FBRSL1: variants seen among roughly 807,000 people sequenced by gnomAD.
FBRSL1 encodes fibrosin-1-like protein.
Under a neutral mutation model 89.6 loss-of-function variants are expected in FBRSL1, and 51 were observed. The observed-to-expected ratio is 0.57, with a 90% CI of 0.45 to 0.72. The LOEUF (loss-of-function observed/expected upper bound fraction) is 0.72. Ranked by LOEUF, FBRSL1 falls within the 30% of genes least tolerant of loss-of-function variation. The pLI is 0.00. For missense variants in FBRSL1, 1,618 were observed against 1,451.8 expected (o/e 1.11, Z -1.86); for synonymous variants, 779 against 681.1 (o/e 1.14, Z -2.24).
chr12:132,562,674 C>T (rs1008920601), intron 5 of FBRSL1, among the ~76,000 whole-genome samples: 1 of 137,624 alleles, frequency 7.3e-6, no homozygotes, highest in African/African-American at 2.6e-5. Flanking sequence ...CACGAACGTG[C>T]GGGGCCCAAC....
At chr12:132,575,233 TTTC>T (rs1305927132) in intron 14 of FBRSL1, among the ~76,000 whole-genome samples, 2 of 142,510 alleles carry the variant, frequency 1.4e-5, no homozygotes, top group African/African-American at 5.6e-5. Flanking sequence ...GCTGTATGTC[TTTC>T]TTTTTTTTTG....
intron 8 of FBRSL1, among the ~76,000 whole-genome samples, 160 bp from the exon 9 acceptor site, chr12:132,570,908 G>T (rs868713696): frequency 3.9e-5 from 6 of 152,186 alleles, no homozygotes; most frequent in East Asian, 1.9e-4. Context: ...GACCGCGAAG[G>T]CTTCCTCCCT....
At position 132,499,609 on chromosome 12, in the gene FBRSL1, G is replaced by A. The variant is rs567766350; in HGVS notation, c.292-8544G>A. Among the ~76,000 whole-genome samples the A allele has an allele frequency of 1.3e-5, 2 of 152,156 alleles. No individual in the cohort carries two copies. Among genetic ancestry groups the A allele is most frequent in the South Asian group, 2.1e-4 (1 of 4,800 alleles). On this transcript the variant is annotated intron_variant, in intron 1 of 18. Coordinates refer to ENST00000680143, the MANE Select transcript of FBRSL1 (RefSeq NM_001367871.1). The surrounding 1 kb of genome is among the most constrained non-coding windows in gnomAD (Gnocchi z 4.3). ...GTGAGGGGCAGCACCGTGGCGTGGC[G>A]GTTCCCGAGAGCCCGTCAGGAAGGG...
chr12:132,547,316 G>A (rs2037775477), intron 4 of FBRSL1, among the ~76,000 whole-genome samples: 1 of 151,568 alleles, frequency 6.6e-6, no homozygotes. Context: ...CGGACAGTCA[G>A]TGTGTTCTTT....
chr12:132,534,114 G>A (rs1337979276), intron 4 of FBRSL1, among the ~76,000 whole-genome samples: 1 of 152,204 alleles, frequency 6.6e-6, no homozygotes, highest in Non-Finnish European at 1.5e-5. Context: ...GCAGGGTCCA[G>A]GCCAGGTTTG....
At chr12:132,511,613 C>T (rs1389792287) in intron 2 of FBRSL1, 2 of 985,512 alleles carry the variant, frequency 2.0e-6, no homozygotes, top group East Asian at 1.1e-4. Context: ...ACCTGGACCC[C>T]TGCGCCACGT....
At chr12:132,525,926 T>C in intron 3 of FBRSL1, 103 bp downstream of exon 3, 1 of 951,384 alleles carries the variant, frequency 1.1e-6, no homozygotes, top group Non-Finnish European at 1.6e-6. Context: ...GCCTGCCCAC[T>C]GTGCCCTGCA....
chr12:132,580,781 G>T (rs2040691717), intron 15 of FBRSL1: 1 of 985,450 alleles, frequency 1.0e-6, no homozygotes, highest in Non-Finnish European at 1.2e-6. Flanking sequence ...ATGACGCCCT[G>T]CTGGTCTTTA....
At chr12:132,523,405 C>T (rs754963849) in intron 2 of FBRSL1, among the ~76,000 whole-genome samples, 9 of 152,146 alleles carry the variant, frequency 5.9e-5, no homozygotes, top group Non-Finnish European at 1.2e-4. Flanking sequence ...TCAGGGCCTC[C>T]GGGTTTGGGA....
chr12:132,516,696 T>C (rs2034876061), intron 2 of FBRSL1, among the ~76,000 whole-genome samples: 1 of 152,144 alleles, frequency 6.6e-6, no homozygotes, highest in Admixed American at 6.5e-5. Flanking sequence ...ATTTGCCGGA[T>C]GAGGATGCTG....
intron 15 of FBRSL1, among the ~76,000 whole-genome samples, chr12:132,577,650 C>T (rs2040465539): frequency 6.6e-6 from 1 of 152,184 alleles, no homozygotes; most frequent in South Asian, 2.1e-4. Context: ...CGGGTCACCC[C>T]TCCCCCAGCA....
chr12:132,506,565 C>G (rs1336403295), intron 1 of FBRSL1, among the ~76,000 whole-genome samples: 2 of 152,252 alleles, frequency 1.3e-5, no homozygotes, highest in Non-Finnish European at 2.9e-5. Context: ...AAGGTAACAC[C>G]TTGATTTGTT....
In FBRSL1 at chr12:132,570,557, C is replaced by A; in HGVS notation, c.1213+17C>A. On this transcript the variant is annotated intron_variant, in intron 8 of 18. Transcript: ENST00000680143. ...ACCCGGCCGGTAGGTGTCTCGGCCACAATCTCGCCCAGGGCAGGGGTTGGG... is the reference window on the plus strand; with the variant it reads ...ACCCGGCCGGTAGGTGTCTCGGCCAAAATCTCGCCCAGGGCAGGGGTTGGG... 1 of 1,486,416 alleles carries A rather than the reference C, an allele frequency of 6.7e-7. No individual in the cohort carries two copies. The highest frequency in any genetic ancestry group is 8.9e-7 in the Non-Finnish European group (1 of 1,121,338). The allele number at this position is 1,486,416 out of a possible 1,614,324, so 92.1% of individuals were successfully genotyped here. A position where few individuals can be genotyped will look rare whatever the true frequency, so the allele number is the denominator to read the frequency against.
chr12:132,564,482 C>G (rs2039418843), intron 5 of FBRSL1, among the ~76,000 whole-genome samples: 1 of 151,932 alleles, frequency 6.6e-6, no homozygotes, highest in Non-Finnish European at 1.5e-5. Flanking sequence ...CTGGGAGGGC[C>G]CCTGCCCTCG....
intron 6 of FBRSL1, among the ~76,000 whole-genome samples, chr12:132,568,533 G>A (rs938641012): frequency 6.6e-6 from 1 of 152,272 alleles, no homozygotes; most frequent in African/African-American, 2.4e-5. Context: ...GCTCACTGCC[G>A]CGGCTGCTGC....
At chr12:132,527,245 G>A (rs1321539884) in intron 3 of FBRSL1, among the ~76,000 whole-genome samples, 1 of 152,200 alleles carries the variant, frequency 6.6e-6, no homozygotes, top group Admixed American at 6.5e-5. Context: ...GGCACGGAGG[G>A]AGGTCAGCAG....
At chr12:132,492,513 A>G (rs1207432735) in intron 1 of FBRSL1, among the ~76,000 whole-genome samples, 1 of 152,224 alleles carries the variant, frequency 6.6e-6, no homozygotes, top group Non-Finnish European at 1.5e-5. Flanking sequence ...CTCGATGTGT[A>G]GAAAGTGCCC....
At chr12:132,555,963 C>T (rs1378619182) in intron 5 of FBRSL1, among the ~76,000 whole-genome samples, 3 of 152,132 alleles carry the variant, frequency 2.0e-5, no homozygotes, top group Non-Finnish European at 4.4e-5. Context: ...CATCCAGGGC[C>T]TCGGGCACAG....
chr12:132,555,201 G>A (rs929989019), intron 5 of FBRSL1, among the ~76,000 whole-genome samples: 4 of 152,192 alleles, frequency 2.6e-5, no homozygotes, highest in Non-Finnish European at 5.9e-5. Flanking sequence ...TTTCACGAAC[G>A]TTAAACCTGT....
Sources: gnomAD v4.1 joint callset for allele counts (sites outside exome capture counted in the v4.1 genomes callset) on GRCh38, gnomAD v4.1.1 for gene constraint, Gnocchi (gnomAD v3.1) non-coding constraint, MANE v1.5 for transcripts, NCBI Gene and HGNC (gene_info 2026-07-23, HGNC 2026-07-21) for gene names.